TAFA2: variants seen among roughly 807,000 people sequenced by gnomAD.
TAFA2 encodes chemokine-like protein TAFA-2.
Under a neutral mutation model 18.8 loss-of-function variants are expected in TAFA2, and 7 were observed. The observed-to-expected ratio is 0.37, with a 90% CI of 0.21 to 0.70. TAFA2 has a LOEUF of 0.70. Among genes scored for constraint, TAFA2 ranks in the 30% least tolerant of loss-of-function variants. The pLI is 0.53. For synonymous variants in TAFA2, 60 were observed against 54.2 expected (o/e 1.11, Z -0.47); for missense variants, 122 against 158.1 (o/e 0.77, Z 1.23).
At chr12:61,912,227 T>A (rs1876639294) in intron 1 of TAFA2, among the ~76,000 whole-genome samples, 1 of 152,196 alleles carries the variant, frequency 6.6e-6, no homozygotes. Flanking sequence ...CATTTATCTA[T>A]AACATGCTAT....
intron 1 of TAFA2, among the ~76,000 whole-genome samples, chr12:62,122,981 T>G (rs967615270): frequency 1.1e-4 from 17 of 152,186 alleles, no homozygotes; most frequent in African/African-American, 3.9e-4. Flanking sequence ...ATCATCTAGC[T>G]CATATCACCC....
intron 1 of TAFA2, among the ~76,000 whole-genome samples, chr12:61,882,253 G>T (rs965419389): frequency 6.6e-6 from 1 of 152,142 alleles, no homozygotes; most frequent in East Asian, 1.9e-4. Flanking sequence ...AATTGGGAAT[G>T]AAAGAAAGAA....
At chr12:61,898,529 A>G (rs1875954836) in intron 1 of TAFA2, among the ~76,000 whole-genome samples, 1 of 152,186 alleles carries the variant, frequency 6.6e-6, no homozygotes, top group African/African-American at 2.4e-5. Context: ...CAGGACTAAC[A>G]TCATGTGGAA....
intron 1 of TAFA2, among the ~76,000 whole-genome samples, chr12:61,940,947 G>A (rs1877979433): frequency 6.6e-6 from 1 of 152,078 alleles, no homozygotes; most frequent in Non-Finnish European, 1.5e-5. Flanking sequence ...CTAGCTATAT[G>A]TGGCTACTGA....
intron 1 of TAFA2, among the ~76,000 whole-genome samples, chr12:62,028,479 T>C (rs1217617895): frequency 6.6e-6 from 1 of 152,170 alleles, no homozygotes; most frequent in Non-Finnish European, 1.5e-5. Flanking sequence ...TATGAAACAA[T>C]TCTCAACTCT....
chr12:61,827,501 A>G (rs1200825956), intron 2 of TAFA2, among the ~76,000 whole-genome samples: 1 of 152,004 alleles, frequency 6.6e-6, no homozygotes, highest in Non-Finnish European at 1.5e-5. Flanking sequence ...ATTATATTCA[A>G]ATCATCTCAG....
At chr12:61,889,616 C>G (rs1875539276) in intron 1 of TAFA2, among the ~76,000 whole-genome samples, 1 of 152,270 alleles carries the variant, frequency 6.6e-6, no homozygotes, top group African/African-American at 2.4e-5. Context: ...CCAAAATCAG[C>G]AAACTTTTAA....
At chr12:61,820,594 TA>T (rs796339511) in intron 2 of TAFA2, among the ~76,000 whole-genome samples, 16 of 151,662 alleles carry the variant, frequency 1.1e-4, no homozygotes, top group African/African-American at 3.4e-4. Context: ...AAAAAAGAAA[TA>T]AAAAAAGATA....
intron 1 of TAFA2, among the ~76,000 whole-genome samples, chr12:62,187,759 A>G (rs576049816): frequency 9.7e-4 from 148 of 152,152 alleles, no homozygotes; most frequent in Non-Finnish European, 1.8e-3. Flanking sequence ...AAAAACAGAA[A>G]CTAACTTCTA....
chr12:61,921,141 T>C (rs1877036077), intron 1 of TAFA2, among the ~76,000 whole-genome samples: 1 of 152,194 alleles, frequency 6.6e-6, no homozygotes, highest in Non-Finnish European at 1.5e-5. Flanking sequence ...TGACTCTGAA[T>C]GGCAAAGAGA....
At chr12:61,865,260 A>T (rs1874304651) in intron 2 of TAFA2, among the ~76,000 whole-genome samples, 1 of 152,214 alleles carries the variant, frequency 6.6e-6, no homozygotes, top group Admixed American at 6.5e-5. Context: ...GTACCTAGGG[A>T]GATAGCAGCC....
At chr12:62,217,153 G>C (rs900068833) in intron 1 of TAFA2, among the ~76,000 whole-genome samples, 2 of 152,220 alleles carry the variant, frequency 1.3e-5, no homozygotes, top group Non-Finnish European at 2.9e-5. Flanking sequence ...CCACCCTCTA[G>C]ATAGCATGAA....
At chr12:61,910,097 T>G (rs1876538474) in intron 1 of TAFA2, among the ~76,000 whole-genome samples, 1 of 93,800 alleles carries the variant, frequency 1.1e-5, no homozygotes, top group African/African-American at 4.2e-5. Context: ...TGTGTGTGTG[T>G]GTTTGTGTGT....
At chr12:62,210,745 A>T (rs909774073) in intron 1 of TAFA2, among the ~76,000 whole-genome samples, 2 of 152,214 alleles carry the variant, frequency 1.3e-5, no homozygotes, top group African/African-American at 4.8e-5. Flanking sequence ...GGATGTACCG[A>T]TTCCAAAATG....
intron 2 of TAFA2, among the ~76,000 whole-genome samples, chr12:61,806,755 G>A (rs575004430): frequency 6.6e-6 from 1 of 152,348 alleles, no homozygotes; most frequent in South Asian, 2.1e-4. Flanking sequence ...GGGAACTGGA[G>A]CAAAGGTGAT....
intron 2 of TAFA2, among the ~76,000 whole-genome samples, chr12:61,767,614 C>A (rs1302738390): frequency 2.6e-5 from 4 of 151,970 alleles, no homozygotes; most frequent in African/African-American, 9.7e-5. Context: ...TTCTCACACA[C>A]GGAAGGTTTG....
chr12:62,158,697 T>G (rs535885814), intron 1 of TAFA2, among the ~76,000 whole-genome samples: 1 of 152,356 alleles, frequency 6.6e-6, no homozygotes, highest in East Asian at 1.9e-4. Flanking sequence ...TGATCTTAAT[T>G]TGAACAAGTT....
intron 1 of TAFA2, among the ~76,000 whole-genome samples, chr12:61,872,431 T>C (rs1395343247): frequency 6.6e-6 from 1 of 152,062 alleles, no homozygotes; most frequent in African/African-American, 2.4e-5. Context: ...GCCCTTAGGG[T>C]AGAATGCGCG....
At chr12:61,766,039 C>T (rs1592374826) in intron 2 of TAFA2, among the ~76,000 whole-genome samples, 3 of 151,920 alleles carry the variant, frequency 2.0e-5, no homozygotes. Flanking sequence ...TTTGATTTTC[C>T]TCTCTTCCCT....
Sources: gnomAD v4.1 joint callset for allele counts (sites outside exome capture counted in the v4.1 genomes callset) on GRCh38, gnomAD v4.1.1 for gene constraint, MANE v1.5 for transcripts, NCBI Gene and HGNC (gene_info 2026-07-23, HGNC 2026-07-21) for gene names.